Variants in PGM2 observed in about 807,000 individuals in gnomAD.
PGM2 encodes the protein phosphopentomutase.
A neutral mutation model predicts 74.6 loss-of-function variants in PGM2; 57 were observed. The ratio of observed to expected loss-of-function variants is 0.76; its 90% CI spans 0.62 to 0.95. PGM2 has a LOEUF of 0.95. PGM2 is among the 40% of genes least tolerant of loss of function. The probability of loss-of-function intolerance (pLI) is 0.00; values close to 1 mark genes in which losing one functional copy is unlikely to be tolerated. For synonymous variants in PGM2, 273 were observed against 260.7 expected, an observed-to-expected ratio of 1.05 and a Z score of -0.46; for missense variants, 706 against 741.9, an observed-to-expected ratio of 0.95 and a Z score of 0.56.
At chr4:37,855,944 C>T (rs1006178820) in intron 13 of PGM2, among the ~76,000 whole-genome samples, 9 of 152,146 alleles carry the variant, frequency 5.9e-5, no homozygotes, top group African/African-American at 1.9e-4. Flanking sequence ...TTACTTTTGT[C>T]CTAAATTTCT....
intron 12 of PGM2, among the ~76,000 whole-genome samples, chr4:37,851,039 C>T (rs1183398279): frequency 6.7e-6 from 1 of 149,196 alleles, no homozygotes; most frequent in African/African-American, 2.5e-5. Context: ...CCTGTGTGGT[C>T]ATTTCGCACC....
chr4:37,847,175 T>C (rs1174052426), intron 9 of PGM2, 27 bp from the exon 10 acceptor site: 1 of 1,603,420 alleles, frequency 6.2e-7, no homozygotes, highest in African/African-American at 1.3e-5. Context: ...CTAAGGCATG[T>C]CTTTCTCTTT....
chr4:37,826,836 G>A (rs776046057), intron 1 of PGM2, 23 bp downstream of exon 1: 8 of 1,469,218 alleles, frequency 5.4e-6, no homozygotes, highest in Non-Finnish European at 7.4e-6. Context: ...AGCAGGCGGG[G>A]AGCGCCTGGA....
intron 10 of PGM2, 91 bp downstream of exon 10, chr4:37,847,386 T>A: frequency 1.1e-6 from 1 of 927,572 alleles, no homozygotes; most frequent in Non-Finnish European, 1.7e-6. Flanking sequence ...TGAAACACGG[T>A]TTATTTTGCC....
chr4:37,847,840 C>G (rs1431462870), intron 10 of PGM2, among the ~76,000 whole-genome samples: 1 of 152,200 alleles, frequency 6.6e-6, no homozygotes, highest in Non-Finnish European at 1.5e-5. Flanking sequence ...AAATTTGAAA[C>G]TCACATTGTA....
At chr4:37,827,052 G>A (rs1725311814) in intron 1 of PGM2, among the ~76,000 whole-genome samples, 1 of 152,260 alleles carries the variant, frequency 6.6e-6, no homozygotes, top group African/African-American at 2.4e-5. Context: ...CATCCGGCCG[G>A]CCGGACTGCA....
rs1397205534 is a variant in PGM2 at position 37,839,666 on chromosome 4, A to ATTAATTAT, written c.442-182_442-181insTTAATTAT. 5 of 693,134 alleles carry ATTAATTAT rather than the reference A, an allele frequency of 7.2e-6. No homozygotes were observed. In the Admixed American group the frequency reaches 1.0e-4, roughly 14 times the overall value. 42.9% of individuals were successfully genotyped at this position (693,134 alleles called of 1,614,324 possible). A position where few individuals can be genotyped will look rare whatever the true frequency, so the allele number is the denominator to read the frequency against. On this transcript the variant is annotated intron_variant, in intron 4 of 13. Transcript: ENST00000381967. ...GGAAATACATCCTGGAATTATGAGC[A>ATTAATTAT]GCCAGTTAATTCTAAGGGTAATTGC...
At chr4:37,840,490 C>G (rs1725679692) in intron 6 of PGM2, among the ~76,000 whole-genome samples, 1 of 152,228 alleles carries the variant, frequency 6.6e-6, no homozygotes, top group African/African-American at 2.4e-5. Context: ...TCAAGCGATT[C>G]TTGTGCCTCA....
chr4:37,837,140 C>G (rs1363830704), intron 3 of PGM2, among the ~76,000 whole-genome samples: 1 of 152,150 alleles, frequency 6.6e-6, no homozygotes, highest in Non-Finnish European at 1.5e-5. Flanking sequence ...CCCAGCATGA[C>G]AAGCAAAAAT....
At chr4:37,853,730 C>CT (rs1339060885) in intron 12 of PGM2, among the ~76,000 whole-genome samples, 1 of 152,154 alleles carries the variant, frequency 6.6e-6, no homozygotes, top group Non-Finnish European at 1.5e-5. Context: ...TGCCAAGGCC[C>CT]TGGAGGCATG....
chr4:37,855,792 C>A (rs1268456857), intron 13 of PGM2, 51 bp downstream of exon 13: 4 of 1,492,652 alleles, frequency 2.7e-6, no homozygotes, highest in South Asian at 2.6e-5. Flanking sequence ...GACTTCCTAA[C>A]TGGTTCTATT....
chr4:37,828,416 C>T (rs527957955), intron 1 of PGM2, among the ~76,000 whole-genome samples: 49 of 151,794 alleles, frequency 3.2e-4, no homozygotes, highest in Admixed American at 6.6e-4. Flanking sequence ...GAGACTGGCA[C>T]CTGAGAAGAA....
chr4:37,858,730 A>T (rs577662725), intron 13 of PGM2, among the ~76,000 whole-genome samples: 165 of 152,240 alleles, frequency 1.1e-3, no homozygotes, highest in African/African-American at 3.7e-3. Context: ...ATAAATTTCA[A>T]TTATTCATAG....
chr4:37,838,761 T>C (rs1482321601), intron 4 of PGM2, among the ~76,000 whole-genome samples: 2 of 152,234 alleles, frequency 1.3e-5, no homozygotes, highest in Non-Finnish European at 2.9e-5. Flanking sequence ...TGTTAATAGC[T>C]ATTAATTTTA....
At chr4:37,842,668 CTTT>C (rs11336807) in intron 6 of PGM2, among the ~76,000 whole-genome samples, 57 of 148,620 alleles carry the variant, frequency 3.8e-4, no homozygotes, top group Non-Finnish European at 7.2e-4. Context: ...CATTTTTTTT[CTTT>C]TTTTTTTGAG....
intron 8 of PGM2, among the ~76,000 whole-genome samples, chr4:37,846,548 C>G (rs1431764492): frequency 6.6e-6 from 1 of 152,162 alleles, no homozygotes; most frequent in African/African-American, 2.4e-5. Context: ...GCAATACTGA[C>G]CAGTCCAGAA....
At chr4:37,852,856 A>AT (rs1427820681) in intron 12 of PGM2, among the ~76,000 whole-genome samples, 1 of 152,010 alleles carries the variant, frequency 6.6e-6, no homozygotes, top group East Asian at 1.9e-4. Flanking sequence ...GTCCCTTTTT[A>AT]TTCATGTTTC....
At chr4:37,850,151 C>T (rs1464546400) in intron 11 of PGM2, 33 bp from the exon 12 acceptor site, 2 of 1,238,442 alleles carry the variant, frequency 1.6e-6, no homozygotes, top group Non-Finnish European at 2.3e-6. Flanking sequence ...ATTATTTGTT[C>T]CTCATGTGCA....
At chr4:37,860,210 G>A (rs1349622935) in intron 13 of PGM2, among the ~76,000 whole-genome samples, 2 of 152,124 alleles carry the variant, frequency 1.3e-5, no homozygotes, top group Non-Finnish European at 2.9e-5. Context: ...TAGCTTACAT[G>A]CCTTCCTGAG....
Sources: allele counts gnomAD v4.1 joint callset (sites outside exome capture counted in the v4.1 genomes callset), GRCh38; gene constraint gnomAD v4.1.1; transcripts MANE v1.5; gene names NCBI Gene and HGNC (gene_info 2026-07-23, HGNC 2026-07-21).